Variants in MYO3B observed in about 807,000 individuals in gnomAD.
MYO3B encodes the protein myosin-IIIb.
MYO3B carries 156 observed loss-of-function variants against 174.6 expected under a neutral mutation model. The ratio of observed to expected loss-of-function variants is 0.89; its 90% CI spans 0.78 to 1.02. The LOEUF (loss-of-function observed/expected upper bound fraction) is 1.02, where lower values mean the gene tolerates loss of function less well. MYO3B is among the 50% of genes least tolerant of loss of function. The pLI is 0.00. For synonymous variants in MYO3B, 563 were observed against 569.1 expected (o/e 0.99, Z 0.15); for missense variants, 1,632 against 1,639.4 (o/e 1.00, Z 0.08).
At chr2:170,275,348 G>A (rs1461519635) in intron 7 of MYO3B, among the ~76,000 whole-genome samples, 3 of 152,108 alleles carry the variant, frequency 2.0e-5, no homozygotes, top group African/African-American at 4.8e-5. Flanking sequence ...AAGACTTCCC[G>A]ATGTCTTAGA....
chr2:170,416,852 C>G (rs2094583626), intron 22 of MYO3B, among the ~76,000 whole-genome samples: 1 of 127,932 alleles, frequency 7.8e-6, no homozygotes, highest in Non-Finnish European at 1.6e-5. Flanking sequence ...GAGACGGAGT[C>G]TCGCTCTGTT....
intron 8 of MYO3B, chr2:170,344,842 AAC>A (rs2094004648): frequency 6.6e-6 from 1 of 152,252 alleles, no homozygotes. Context: ...AGGAAGGAGA[AAC>A]TGTAGGGCCC....
At chr2:170,363,459 C>A (rs1057181885) in intron 8 of MYO3B, among the ~76,000 whole-genome samples, 1 of 152,162 alleles carries the variant, frequency 6.6e-6, no homozygotes, top group Non-Finnish European at 1.5e-5. Flanking sequence ...CACAGAGTAG[C>A]TGTGTCACGA....
rs531408381 is a variant in MYO3B at position 170,414,345 on chromosome 2, G to A, written c.2650+6501G>A. On this transcript the variant is annotated intron_variant, in intron 22 of 34. Coordinates refer to ENST00000408978, the MANE Select transcript of MYO3B (RefSeq NM_138995.5). ...TGGAATTACAGGCCCCCACTACCAC[G>A]CCTGGCTAATTTTTTGCATTTTTAG... 5.3e-5 allele frequency among the ~76,000 whole-genome samples: 8 copies of A among 151,958 alleles called. No homozygotes were observed. The East Asian group carries it at 5.9e-4, about 11-fold the overall frequency.
intron 25 of MYO3B, among the ~76,000 whole-genome samples, chr2:170,476,080 C>A (rs892604826): frequency 1.3e-5 from 2 of 151,034 alleles, no homozygotes; most frequent in East Asian, 1.9e-4. Flanking sequence ...CTGTCCCCCC[C>A]CACAGGACAT....
intron 32 of MYO3B, among the ~76,000 whole-genome samples, chr2:170,632,108 G>T (rs1294338205): frequency 1.3e-5 from 2 of 152,094 alleles, no homozygotes; most frequent in Admixed American, 6.5e-5. Flanking sequence ...TCCAGGACTT[G>T]AACTCAGCTC....
At chr2:170,402,748 T>C (rs1207082404) in intron 18 of MYO3B, 100 bp from the exon 19 acceptor site, 2 of 1,134,312 alleles carry the variant, frequency 1.8e-6, no homozygotes, top group African/African-American at 3.1e-5. Context: ...AGTGGGTGAA[T>C]TGGGTACTTG....
intron 30 of MYO3B, among the ~76,000 whole-genome samples, chr2:170,538,328 A>G (rs1689861090): frequency 6.6e-6 from 1 of 152,236 alleles, no homozygotes; most frequent in Non-Finnish European, 1.5e-5. Flanking sequence ...CGCATTGTAC[A>G]TTTCAAATAT....
chr2:170,326,561 G>A (rs923064170), intron 7 of MYO3B, among the ~76,000 whole-genome samples: 20 of 152,094 alleles, frequency 1.3e-4, no homozygotes, highest in African/African-American at 2.9e-4. Flanking sequence ...CAGACAACGA[G>A]CCACACACCC....
At chr2:170,442,104 T>G (rs948566212) in intron 22 of MYO3B, among the ~76,000 whole-genome samples, 14 of 152,212 alleles carry the variant, frequency 9.2e-5, no homozygotes, top group African/African-American at 3.4e-4. Context: ...TTTCTTTTTT[T>G]TGTGGACATA....
intron 32 of MYO3B, among the ~76,000 whole-genome samples, chr2:170,579,835 G>A (rs16858785): frequency 0.076 from 11,606 of 152,232 alleles, 766 homozygotes; most frequent in East Asian, 0.25. Flanking sequence ...ATGACCATAC[G>A]TTACCCTGTG....
At chr2:170,383,394 T>A (rs189756834) in intron 11 of MYO3B, among the ~76,000 whole-genome samples, 108 of 152,306 alleles carry the variant, frequency 7.1e-4, no homozygotes, top group African/African-American at 2.3e-3. Flanking sequence ...TAGTTAACAT[T>A]TATTGCGTGC....
At chr2:170,563,521 T>C (rs554166438) in intron 32 of MYO3B, among the ~76,000 whole-genome samples, 1 of 152,330 alleles carries the variant, frequency 6.6e-6, no homozygotes, top group East Asian at 1.9e-4. Context: ...GATTTCCTGA[T>C]AGGGCTCTCT....
At chr2:170,252,594 T>C (rs12467982) in intron 7 of MYO3B, among the ~76,000 whole-genome samples, 66,217 of 152,080 alleles carry the variant, frequency 0.44, 14,798 homozygotes, top group East Asian at 0.66. Context: ...AAACAGTCCC[T>C]GTCCTCTTGG....
chr2:170,405,562 C>T lies in MYO3B; in HGVS notation c.2449C>T (p.Leu817=). The T allele has an allele frequency of 2.5e-6, 4 of 1,614,106 alleles. No individual in the cohort carries two copies. Among genetic ancestry groups the T allele is most frequent in the Non-Finnish European group, 3.4e-6 (4 of 1,179,954 alleles). ...QTLVDKFEDN[L]RCKYFWRPKG... ...CCACACAGATAAATTTGAAGATAAT[C>T]TACGATGCAAATACTTCTGGAGGCC... Residue 817 remains leucine (L), a synonymous_variant, in exon 21 of 35, where the codon CTA becomes TTA. Coordinates refer to ENST00000408978, the MANE Select transcript of MYO3B (RefSeq NM_138995.5).
chr2:170,570,455 C>T (rs1266363868), intron 32 of MYO3B, among the ~76,000 whole-genome samples: 9 of 152,210 alleles, frequency 5.9e-5, no homozygotes, highest in Non-Finnish European at 8.8e-5. Context: ...TCCATCTCAC[C>T]GGTGAGGAAA....
chr2:170,494,972 A>G (rs1213156490), intron 25 of MYO3B, among the ~76,000 whole-genome samples: 4 of 152,120 alleles, frequency 2.6e-5, no homozygotes, highest in African/African-American at 4.8e-5. Flanking sequence ...CAGAGAGGTG[A>G]GTGACTCACC....
chr2:170,467,101 A>G (rs1684687245), intron 25 of MYO3B, among the ~76,000 whole-genome samples: 1 of 152,214 alleles, frequency 6.6e-6, no homozygotes, highest in African/African-American at 2.4e-5. Context: ...TAACACTTAC[A>G]TAACACCTGA....
chr2:170,528,196 T>C (rs933618502), intron 30 of MYO3B, among the ~76,000 whole-genome samples: 1 of 152,198 alleles, frequency 6.6e-6, no homozygotes, highest in Non-Finnish European at 1.5e-5. Context: ...AACTCAAAAA[T>C]AAGCTCCAAG....
Sources: gnomAD v4.1 joint callset for allele counts (sites outside exome capture counted in the v4.1 genomes callset) on GRCh38, gnomAD v4.1.1 for gene constraint, MANE v1.5 for transcripts, NCBI Gene and HGNC (gene_info 2026-07-23, HGNC 2026-07-21) for gene names.